KIAA1328: variants seen among roughly 807,000 people sequenced by gnomAD.
The protein encoded by KIAA1328 is KIAA1328.
Under a neutral mutation model 68.1 loss-of-function variants are expected in KIAA1328, and 52 were observed. The observed-to-expected ratio is 0.76, with a 90% CI of 0.61 to 0.96. The LOEUF (loss-of-function observed/expected upper bound fraction) is 0.96. Among genes scored for constraint, KIAA1328 ranks in the 40% least tolerant of loss-of-function variants. The pLI, the probability that KIAA1328 is intolerant of heterozygous loss-of-function variation, is 0.00. For synonymous variants in KIAA1328, 232 were observed against 239.4 expected, an observed-to-expected ratio of 0.97 and a Z score of 0.28; for missense variants, 641 against 677.6, an observed-to-expected ratio of 0.95 and a Z score of 0.60.
chr18:36,900,554 T>G (rs1262097157), intron 5 of KIAA1328, among the ~76,000 whole-genome samples: 1 of 151,972 alleles, frequency 6.6e-6, no homozygotes, highest in East Asian at 1.9e-4. Flanking sequence ...TAGTATGAAT[T>G]TATTAGTTTT....
At chr18:36,955,429 C>A (rs1174892630) in intron 5 of KIAA1328, among the ~76,000 whole-genome samples, 1 of 151,828 alleles carries the variant, frequency 6.6e-6, no homozygotes, top group African/African-American at 2.4e-5. Context: ...CCTGCCTCAG[C>A]CTCCCGAGTA....
rs953170843 is a variant in KIAA1328, at chr18:36,834,187, A to T, written c.59-133A>T. On this transcript the variant is annotated intron_variant, in intron 1 of 9. Coordinates refer to ENST00000280020, the MANE Select transcript of KIAA1328 (RefSeq NM_020776.3). ...TTTAATTCAATTACTTTGCTTTCTA[A>T]CTTTGTTTTTAAAAGTTAGTTACAA... The T allele has an allele frequency of 4.9e-6, 6 of 1,216,778 alleles. No homozygotes were observed. The African/African-American group carries it at 9.4e-5, about 19-fold the overall frequency. 75.4% of individuals were successfully genotyped at this position (1,216,778 alleles called of 1,614,324 possible).
At chr18:37,143,521 C>CTTTTTTTTTTTTTTTTTTTTTTTG (rs57046567) in intron 7 of KIAA1328, among the ~76,000 whole-genome samples, 2 of 90,772 alleles carry the variant, frequency 2.2e-5, no homozygotes, top group East Asian at 3.7e-4. Context: ...TTTTTTCTTT[C>CTTTTTTTTTTTTTTTTTTTTTTTG]TTTTTTTTTT....
intron 6 of KIAA1328, among the ~76,000 whole-genome samples, chr18:36,982,141 AAAT>A (rs2052717418): frequency 9.2e-6 from 1 of 108,264 alleles, no homozygotes; most frequent in Admixed American, 1.3e-4. Flanking sequence ...ATAAAAATAT[AAAT>A]AAATATATAT....
intron 9 of KIAA1328, among the ~76,000 whole-genome samples, chr18:37,185,281 C>A (rs1239629248): frequency 6.6e-6 from 1 of 152,074 alleles, no homozygotes; most frequent in Admixed American, 6.5e-5. Flanking sequence ...TGACAAGGGA[C>A]CCGGTACAGT....
intron 6 of KIAA1328, among the ~76,000 whole-genome samples, chr18:37,034,492 C>G (rs2064848629): frequency 6.6e-6 from 1 of 152,124 alleles, no homozygotes; most frequent in Non-Finnish European, 1.5e-5. Flanking sequence ...GGCTGGGAAT[C>G]AAACTTACTG....
chr18:37,067,033 A>G lies in KIAA1328; in HGVS notation c.720A>G (p.Ile240Met). 6.2e-7 allele frequency: 1 copy of G among 1,613,972 alleles called. No homozygotes were observed. The highest frequency in any genetic ancestry group is 8.5e-7 in the Non-Finnish European group (1 of 1,179,866). Reference protein sequence around the residue: ...AVQDSASESLIAFRNNSLKPV... With the variant: ...AVQDSASESLMAFRNNSLKPV... ...AGGATTCAGCTTCAGAATCCCTTAT[A>G]GCATTTAGGAATAATTCTTTGAAAC... Residue 240 changes from isoleucine to methionine, a missense_variant, in exon 7 of 10, where the codon ATA (isoleucine) becomes ATG (methionine). Coordinates refer to ENST00000280020, the MANE Select transcript of KIAA1328 (RefSeq NM_020776.3).
chr18:37,155,819 T>C (rs2059139823), intron 7 of KIAA1328, among the ~76,000 whole-genome samples: 1 of 152,214 alleles, frequency 6.6e-6, no homozygotes, highest in Non-Finnish European at 1.5e-5. Context: ...AGTTTAATGC[T>C]GTAACAATAC....
intron 5 of KIAA1328, among the ~76,000 whole-genome samples, chr18:36,943,385 T>G (rs2050780446): frequency 6.6e-6 from 1 of 152,220 alleles, no homozygotes; most frequent in Non-Finnish European, 1.5e-5. Context: ...CTGTGTGTCT[T>G]AAAACACAGT....
chr18:36,981,742 A>G (rs1461754113), intron 6 of KIAA1328, among the ~76,000 whole-genome samples: 2 of 145,914 alleles, frequency 1.4e-5, no homozygotes, highest in East Asian at 4.1e-4. Context: ...GCACAACACG[A>G]CACCTGGCTA....
chr18:36,844,204 T>A lies in KIAA1328; in HGVS notation c.238-4T>A, dbSNP rs762133917. ...AAAGTGTAACTAAATTTTTTTTTTTTAAGAATTCCTGCAGGGGAGAAATAA... is the reference window on the plus strand; with the variant it reads ...AAAGTGTAACTAAATTTTTTTTTTTAAAGAATTCCTGCAGGGGAGAAATAA... On this transcript the variant is annotated splice_region_variant and splice_polypyrimidine_tract_variant and intron_variant, in intron 3 of 9. Transcript: ENST00000280020. 2.6e-5 allele frequency: 41 copies of A among 1,567,032 alleles called. No homozygotes were observed. The African/African-American group carries it at 3.3e-4, about 13-fold the overall frequency.
intron 7 of KIAA1328, among the ~76,000 whole-genome samples, chr18:37,080,123 T>G (rs1241134478): frequency 6.6e-6 from 1 of 152,178 alleles, no homozygotes; most frequent in East Asian, 1.9e-4. Context: ...CCTTTGAAAT[T>G]TGTTACTTTT....
At chr18:36,907,782 C>T (rs1344917669) in intron 5 of KIAA1328, among the ~76,000 whole-genome samples, 1 of 152,034 alleles carries the variant, frequency 6.6e-6, no homozygotes, top group Non-Finnish European at 1.5e-5. Context: ...GAAGCATTTC[C>T]CCCTCTTCAA....
chr18:37,146,419 T>C (rs1172062774), intron 7 of KIAA1328, among the ~76,000 whole-genome samples: 1 of 152,264 alleles, frequency 6.6e-6, no homozygotes, highest in East Asian at 1.9e-4. Context: ...AAAGACATGA[T>C]CTTCTTCTTT....
At chr18:37,064,887 G>A (rs116586594) in intron 6 of KIAA1328, among the ~76,000 whole-genome samples, 9 of 152,236 alleles carry the variant, frequency 5.9e-5, no homozygotes, top group African/African-American at 2.2e-4. Flanking sequence ...CCCTCCCAAC[G>A]TCTTGACTTC....
intron 6 of KIAA1328, among the ~76,000 whole-genome samples, chr18:36,988,280 T>G (rs1433342261): frequency 2.0e-5 from 3 of 152,226 alleles, no homozygotes. Context: ...TTTATATAAG[T>G]GTATATAGAT....
At chr18:37,112,180 TC>T (rs992329396) in intron 7 of KIAA1328, among the ~76,000 whole-genome samples, 22 of 152,298 alleles carry the variant, frequency 1.4e-4, no homozygotes, top group African/African-American at 4.8e-4. Context: ...GTAGCAGTTC[TC>T]CCAGCACGGA....
At chr18:37,165,401 TTTTATTTA>T (rs542527159) in intron 8 of KIAA1328, among the ~76,000 whole-genome samples, 2 of 151,528 alleles carry the variant, frequency 1.3e-5, no homozygotes, top group Admixed American at 6.6e-5. Context: ...TTTTTTTTAT[TTTTATTTA>T]TTTATTTATT....
chr18:37,146,024 T>G (rs1009053585), intron 7 of KIAA1328, among the ~76,000 whole-genome samples: 1 of 152,176 alleles, frequency 6.6e-6, no homozygotes, highest in African/African-American at 2.4e-5. Context: ...CTTTTTTTGT[T>G]TATTCATTGC....
Sources: allele counts gnomAD v4.1 joint callset (sites outside exome capture counted in the v4.1 genomes callset), GRCh38; gene constraint gnomAD v4.1.1; transcripts MANE v1.5; gene names NCBI Gene and HGNC (gene_info 2026-07-23, HGNC 2026-07-21).